Variants in KCNS3 observed in about 807,000 individuals in gnomAD.
The protein encoded by KCNS3 is delayed-rectifier potassium channel regulatory subunit KCNS3.
KCNS3 carries 13 observed loss-of-function variants against 31.0 expected under a neutral mutation model. The ratio of observed to expected loss-of-function variants is 0.42; its 90% CI spans 0.27 to 0.67. The LOEUF (loss-of-function observed/expected upper bound fraction) is 0.67, where lower values mean the gene tolerates loss of function less well. Among genes scored for constraint, KCNS3 ranks in the 30% least tolerant of loss-of-function variants. The pLI, the probability that KCNS3 is intolerant of heterozygous loss-of-function variation, is 0.25. For synonymous variants in KCNS3, 238 were observed against 241.5 expected, an observed-to-expected ratio of 0.99 and a Z score of 0.13; for missense variants, 545 against 622.4, an observed-to-expected ratio of 0.88 and a Z score of 1.32.
intron 1 of KCNS3, among the ~76,000 whole-genome samples, chr2:17,915,763 C>T (rs146632052): frequency 1.3e-5 from 2 of 152,234 alleles, no homozygotes; most frequent in African/African-American, 4.8e-5. Context: ...TGTGAATGCT[C>T]TTAGAGAGGT....
intron 2 of KCNS3, among the ~76,000 whole-genome samples, chr2:17,924,513 A>G (rs75177518): frequency 1.1e-4 from 17 of 152,192 alleles, no homozygotes; most frequent in Non-Finnish European, 2.1e-4. Flanking sequence ...CTCTTTATCA[A>G]ATTGGAGAAA....
intron 2 of KCNS3, among the ~76,000 whole-genome samples, chr2:17,921,685 G>A (rs1662706662): frequency 6.6e-6 from 1 of 151,774 alleles, no homozygotes; most frequent in African/African-American, 2.4e-5. Flanking sequence ...GCGAGAGAGA[G>A]TGAAGTGGGA....
chr2:17,901,811 G>GT (rs765620475), intron 1 of KCNS3, among the ~76,000 whole-genome samples: 53 of 152,150 alleles, frequency 3.5e-4, no homozygotes, highest in Non-Finnish European at 3.1e-4. Context: ...AATTGGGGAA[G>GT]TTTTTTATAA....
In KCNS3 at chr2:17,909,606, A is replaced by G. The variant is rs150456138; in HGVS notation, c.-251-8074A>G. ...TATTCAGCCATCTTGGAACTGCCCCACCTCGGGTTATTGACATTTTAGATA... is the reference window on the plus strand; with the variant it reads ...TATTCAGCCATCTTGGAACTGCCCCGCCTCGGGTTATTGACATTTTAGATA... On this transcript the variant is annotated intron_variant, in intron 1 of 2. Coordinates refer to ENST00000304101, the MANE Select transcript of KCNS3 (RefSeq NM_002252.5). Among the ~76,000 whole-genome samples, 338 of 152,186 alleles carry G rather than the reference A, an allele frequency of 2.2e-3. 5 individuals carry two copies. The East Asian group carries it at 0.058, about 26-fold the overall frequency.
intron 1 of KCNS3, among the ~76,000 whole-genome samples, chr2:17,912,080 G>A (rs961467840): frequency 1.3e-5 from 2 of 152,176 alleles, no homozygotes; most frequent in African/African-American, 4.8e-5. Context: ...TCTATTGATG[G>A]ACGTGCAGGC....
At chr2:17,920,539 C>T (rs143861585) in intron 2 of KCNS3, among the ~76,000 whole-genome samples, 23 of 152,294 alleles carry the variant, frequency 1.5e-4, no homozygotes, top group South Asian at 1.0e-3. Flanking sequence ...TTTCATTTTA[C>T]GCTGCCAGGG....
chr2:17,884,267 AAATATATATAT>A (rs1293993481), intron 1 of KCNS3, among the ~76,000 whole-genome samples: 40 of 38,704 alleles, frequency 1.0e-3, no homozygotes, highest in African/African-American at 3.0e-3. Context: ...AAAAAAAAAA[AAATATATATAT>A]ATATATATAT....
chr2:17,900,293 G>A (rs929941609), intron 1 of KCNS3, among the ~76,000 whole-genome samples: 1 of 152,104 alleles, frequency 6.6e-6, no homozygotes, highest in South Asian at 2.1e-4. Flanking sequence ...AGCAAGTTAA[G>A]TACTCTGATG....
chr2:17,893,284 T>G (rs6531067), intron 1 of KCNS3, among the ~76,000 whole-genome samples: 1 of 152,082 alleles, frequency 6.6e-6, no homozygotes, highest in East Asian at 1.9e-4. Flanking sequence ...TCCTACAGCC[T>G]GGAGTCTGTT....
intron 1 of KCNS3, among the ~76,000 whole-genome samples, chr2:17,880,569 C>T (rs1487132144): frequency 6.6e-6 from 1 of 152,202 alleles, no homozygotes; most frequent in Non-Finnish European, 1.5e-5. Context: ...AGGAGACTTG[C>T]GGGATCAGTA....
intron 1 of KCNS3, among the ~76,000 whole-genome samples, chr2:17,889,721 A>T (rs548209438): frequency 6.6e-6 from 1 of 151,996 alleles, no homozygotes; most frequent in Non-Finnish European, 1.5e-5. Flanking sequence ...TTTATGTGGT[A>T]TATCTCATGT....
At chr2:17,888,966 T>C (rs1370598476) in intron 1 of KCNS3, among the ~76,000 whole-genome samples, 4 of 152,024 alleles carry the variant, frequency 2.6e-5, no homozygotes, top group African/African-American at 9.7e-5. Context: ...CTGTGAAGAA[T>C]GATGGTGGTA....
chr2:17,910,633 T>A (rs921902745), intron 1 of KCNS3, among the ~76,000 whole-genome samples: 1 of 142,210 alleles, frequency 7.0e-6, no homozygotes, highest in African/African-American at 2.6e-5. Context: ...AAGTGTCTAC[T>A]TTTTTTTTTT....
chr2:17,919,997 C>T (rs1206136547), intron 2 of KCNS3, among the ~76,000 whole-genome samples: 1 of 152,086 alleles, frequency 6.6e-6, no homozygotes, highest in Non-Finnish European at 1.5e-5. Context: ...TGTATATCCC[C>T]ACATGGCATG....
intron 1 of KCNS3, among the ~76,000 whole-genome samples, chr2:17,887,531 C>CTA (rs755583354): frequency 6.6e-6 from 1 of 151,426 alleles, no homozygotes; most frequent in African/African-American, 2.4e-5. Flanking sequence ...ATCTATCTAT[C>CTA]TCTGTATCTA....
chr2:17,887,484 G>GATCTATTTATCT (rs1553341250), intron 1 of KCNS3, among the ~76,000 whole-genome samples: 1 of 146,242 alleles, frequency 6.8e-6, no homozygotes, highest in Admixed American at 6.9e-5. Flanking sequence ...TCTATCATAT[G>GATCTATTTATCT]ATCTATCTAT....
At chr2:17,887,965 A>G (rs1167523692) in intron 1 of KCNS3, among the ~76,000 whole-genome samples, 4 of 151,996 alleles carry the variant, frequency 2.6e-5, no homozygotes, top group Non-Finnish European at 1.5e-5. Flanking sequence ...GGCCATTTGT[A>G]TATCTTCTTT....
At chr2:17,909,874 G>A (rs1046792955) in intron 1 of KCNS3, among the ~76,000 whole-genome samples, 1 of 152,196 alleles carries the variant, frequency 6.6e-6, no homozygotes, top group Non-Finnish European at 1.5e-5. Flanking sequence ...AGTTAGGGGA[G>A]GGTGGATGGT....
intron 1 of KCNS3, among the ~76,000 whole-genome samples, chr2:17,907,205 A>G (rs550199027): frequency 6.6e-6 from 1 of 152,260 alleles, no homozygotes; most frequent in Non-Finnish European, 1.5e-5. Context: ...TCCTTTTACC[A>G]TTATGTAATG....
Sources: gnomAD v4.1 joint callset for allele counts (sites outside exome capture counted in the v4.1 genomes callset) on GRCh38, gnomAD v4.1.1 for gene constraint, MANE v1.5 for transcripts, NCBI Gene and HGNC (gene_info 2026-07-23, HGNC 2026-07-21) for gene names.